The following TMTC2 variants were observed in gnomAD, a reference collection of about 807,000 sequenced individuals.
The protein encoded by TMTC2 is transmembrane O-mannosyltransferase targeting cadherins 2, also known as protein O-mannosyl-transferase TMTC2.
Under a neutral mutation model 82.4 loss-of-function variants are expected in TMTC2, and 43 were observed. The ratio of observed to expected loss-of-function variants is 0.52; its 90% CI spans 0.41 to 0.67. TMTC2 has a LOEUF of 0.67. Ranked by LOEUF, TMTC2 falls within the 30% of genes least tolerant of loss-of-function variation. The pLI, the probability that TMTC2 is intolerant of heterozygous loss-of-function variation, is 0.00. For missense variants in TMTC2, 919 were observed against 1,012.4 expected (o/e 0.91, Z 1.25); for synonymous variants, 408 against 381.9 (o/e 1.07, Z -0.80).
intron 1 of TMTC2, among the ~76,000 whole-genome samples, chr12:82,692,662 C>T (rs749235980): frequency 5.9e-5 from 9 of 152,168 alleles, no homozygotes; most frequent in Non-Finnish European, 1.3e-4. Context: ...TTCTGGTTCT[C>T]TCTTAGGAGC....
chr12:82,863,415 T>A (rs1009096913), intron 2 of TMTC2, among the ~76,000 whole-genome samples: 3 of 152,180 alleles, frequency 2.0e-5, no homozygotes, highest in African/African-American at 7.2e-5. Context: ...TTGGATTTCC[T>A]CCCAGTAAAC....
At chr12:82,812,077 C>A (rs1364321823) in intron 1 of TMTC2, among the ~76,000 whole-genome samples, 1 of 152,066 alleles carries the variant, frequency 6.6e-6, no homozygotes, top group Non-Finnish European at 1.5e-5. Context: ...CTCGGCCTCC[C>A]AAGGTGCTGG....
At chr12:82,869,884 G>A (rs1872084814) in intron 2 of TMTC2, among the ~76,000 whole-genome samples, 1 of 151,546 alleles carries the variant, frequency 6.6e-6, no homozygotes, top group African/African-American at 2.4e-5. Flanking sequence ...AATAAGAAAA[G>A]AATTTGAGGC....
At chr12:83,087,148 T>TC (rs1457108553) in intron 11 of TMTC2, among the ~76,000 whole-genome samples, 1 of 152,198 alleles carries the variant, frequency 6.6e-6, no homozygotes, top group East Asian at 1.9e-4. Context: ...TACAGCATCT[T>TC]CCCCGGGAAC....
At chr12:82,734,341 T>C (rs1592885948) in intron 1 of TMTC2, among the ~76,000 whole-genome samples, 1 of 152,298 alleles carries the variant, frequency 6.6e-6, no homozygotes, top group East Asian at 1.9e-4. Flanking sequence ...TTCCAGGTTG[T>C]TGGCTGAATC....
At chr12:83,112,072 C>G (rs1565892371) in intron 11 of TMTC2, among the ~76,000 whole-genome samples, 1 of 152,122 alleles carries the variant, frequency 6.6e-6, no homozygotes, top group East Asian at 1.9e-4. Context: ...CACCACTGCA[C>G]TCCAGCCTAA....
chr12:83,024,433 T>C (rs1200343615), intron 8 of TMTC2, among the ~76,000 whole-genome samples: 1 of 152,192 alleles, frequency 6.6e-6, no homozygotes, highest in African/African-American at 2.4e-5. Context: ...TTGTTATTGG[T>C]ATAGAGATAA....
chr12:83,037,099 G>A (rs1248827744), intron 9 of TMTC2, among the ~76,000 whole-genome samples: 1 of 152,120 alleles, frequency 6.6e-6, no homozygotes, highest in Non-Finnish European at 1.5e-5. Flanking sequence ...ATTTCAACAT[G>A]AGCTTTGGTA....
At chr12:82,752,862 C>T (rs1476634297) in intron 1 of TMTC2, among the ~76,000 whole-genome samples, 1 of 152,054 alleles carries the variant, frequency 6.6e-6, no homozygotes, top group African/African-American at 2.4e-5. Flanking sequence ...CTGTTTATCC[C>T]TGCTCAGCTG....
At chr12:83,068,594 A>C (rs1883001813) in intron 11 of TMTC2, among the ~76,000 whole-genome samples, 1 of 152,146 alleles carries the variant, frequency 6.6e-6, no homozygotes, top group African/African-American at 2.4e-5. Flanking sequence ...TTTTATGTGG[A>C]TCCCACAATC....
intron 1 of TMTC2, among the ~76,000 whole-genome samples, chr12:82,789,190 A>G (rs565914083): frequency 6.6e-6 from 1 of 152,262 alleles, no homozygotes; most frequent in Admixed American, 6.5e-5. Flanking sequence ...TATGTACGAT[A>G]AAGTTAAATG....
chr12:83,061,169 T>C (rs1312940033), intron 10 of TMTC2, among the ~76,000 whole-genome samples: 1 of 151,780 alleles, frequency 6.6e-6, no homozygotes, highest in Non-Finnish European at 1.5e-5. Context: ...GGAATGAAAG[T>C]CCTAAGTAAC....
intron 3 of TMTC2, among the ~76,000 whole-genome samples, chr12:82,901,705 G>A (rs1368909749): frequency 6.6e-6 from 1 of 152,064 alleles, no homozygotes; most frequent in African/African-American, 2.4e-5. Context: ...AAGAAATGAG[G>A]TGAACAGGCT....
intron 8 of TMTC2, among the ~76,000 whole-genome samples, chr12:83,014,991 A>G (rs1880612061): frequency 1.3e-5 from 2 of 152,146 alleles, no homozygotes; most frequent in South Asian, 2.1e-4. Context: ...AACTTGCCCA[A>G]GTAGTCCCGC....
chr12:82,938,151 T>C (rs1049771960), intron 4 of TMTC2, among the ~76,000 whole-genome samples: 17 of 151,966 alleles, frequency 1.1e-4, no homozygotes, highest in African/African-American at 3.9e-4. Flanking sequence ...TGACCTGAGG[T>C]GATCCACCCA....
intron 1 of TMTC2, among the ~76,000 whole-genome samples, chr12:82,736,245 T>G (rs1875119622): frequency 6.6e-6 from 1 of 152,184 alleles, no homozygotes; most frequent in Admixed American, 6.5e-5. Flanking sequence ...ATCCTAGCAT[T>G]CTTCTCAATA....
chr12:82,803,354 C>T (rs57879489), intron 1 of TMTC2, among the ~76,000 whole-genome samples: 7,756 of 152,084 alleles, frequency 0.051, 258 homozygotes, highest in Middle Eastern at 0.14. Context: ...GAATATCAGG[C>T]GATAATCAGG....
rs1414192841 is a variant in TMTC2, at chr12:82,819,523, C to T, written c.84-37487C>T. 1.4e-4 allele frequency among the ~76,000 whole-genome samples: 17 copies of T among 118,740 alleles called. 1 individual carries two copies. Among genetic ancestry groups the T allele is most frequent in the East Asian group, 7.7e-4 (3 of 3,880 alleles). The allele number at this position is 118,740 out of a possible 152,430, so 77.9% of individuals were successfully genotyped here. Reference sequence around the variant, plus strand: ...TTTTTTTTTTTTTTTTTTTTTGAGACGGAGTTTCGCTCTCGTTGCCCAGGC... The same window carrying T: ...TTTTTTTTTTTTTTTTTTTTTGAGATGGAGTTTCGCTCTCGTTGCCCAGGC... On this transcript the variant is annotated intron_variant, in intron 1 of 11. Coordinates refer to ENST00000321196, the MANE Select transcript of TMTC2 (RefSeq NM_152588.3).
At chr12:82,887,931 T>G (rs901126759) in intron 2 of TMTC2, among the ~76,000 whole-genome samples, 4 of 151,810 alleles carry the variant, frequency 2.6e-5, no homozygotes, top group Non-Finnish European at 4.4e-5. Context: ...AATACAAAAT[T>G]AGCCTGGCGT....
Sources: allele counts gnomAD v4.1 joint callset (sites outside exome capture counted in the v4.1 genomes callset), GRCh38; gene constraint gnomAD v4.1.1; transcripts MANE v1.5; gene names NCBI Gene and HGNC (gene_info 2026-07-23, HGNC 2026-07-21).